Variants in KNOP1 observed in about 807,000 individuals in gnomAD.
The protein encoded by KNOP1 is lysine rich nucleolar protein 1.
In KNOP1, 20 loss-of-function variants were observed where a neutral mutation model predicts 30.6. The observed-to-expected ratio is 0.65, with a 90% CI of 0.46 to 0.95. The LOEUF is 0.95. KNOP1 is among the 40% of genes least tolerant of loss of function. The probability of loss-of-function intolerance (pLI) is 0.00; values close to 1 mark genes in which losing one functional copy is unlikely to be tolerated. For missense variants in KNOP1, 540 were observed against 562.0 expected (o/e 0.96, Z 0.40); for synonymous variants, 204 against 210.0 (o/e 0.97, Z 0.25).
At chr16:19,710,122 G>A (rs1976630673) in intron 4 of KNOP1, 2 of 272,018 alleles carry the variant, frequency 7.4e-6, no homozygotes, top group Non-Finnish European at 1.5e-5. Context: ...GGCCTGAGAG[G>A]GGCCGCGACC....
Position 19,706,410 on chromosome 16 carries a change from C to T in KNOP1, c.*500G>A, listed in dbSNP as rs1358270753. ...CTTTATCCCTGAACCTCAGTTGCCT[C>T]ATCTATAAGATGGGGCTAATAATAG... On this transcript the variant is annotated 3_prime_UTR_variant, in exon 5 of 5. Transcript: ENST00000219837. 4 of 153,936 alleles carry T rather than the reference C, an allele frequency of 2.6e-5. No homozygotes were observed. The highest frequency in any genetic ancestry group is 5.8e-5 in the Non-Finnish European group (4 of 69,114). 9.5% of individuals were successfully genotyped at this position (153,936 alleles called of 1,614,324 possible). A position where few individuals can be genotyped will look rare whatever the true frequency, so the allele number is the denominator to read the frequency against.
At chr16:19,715,775 A>C (rs565164376) in intron 1 of KNOP1, among the ~76,000 whole-genome samples, 2 of 152,066 alleles carry the variant, frequency 1.3e-5, no homozygotes, top group Non-Finnish European at 2.9e-5. Flanking sequence ...ATGAGTCACA[A>C]TGATGCACAG....
intron 1 of KNOP1, among the ~76,000 whole-genome samples, chr16:19,716,236 C>T (rs1977062319): frequency 6.6e-6 from 1 of 152,212 alleles, no homozygotes; most frequent in Admixed American, 6.5e-5. Context: ...GTGCTCAATA[C>T]ATACTCACTG....
At chr16:19,709,379 GC>G (rs1433434565) in intron 4 of KNOP1, among the ~76,000 whole-genome samples, 1 of 152,222 alleles carries the variant, frequency 6.6e-6, no homozygotes, top group Admixed American at 6.5e-5. Flanking sequence ...AACAAGTCCT[GC>G]CAGCTGTGCC....
chr16:19,712,287 A>T (rs975568419), intron 2 of KNOP1, among the ~76,000 whole-genome samples: 1 of 152,188 alleles, frequency 6.6e-6, no homozygotes, highest in Non-Finnish European at 1.5e-5. Flanking sequence ...AAATCCTAGC[A>T]ACCAAAGCTA....
intron 1 of KNOP1, chr16:19,717,359 A>G (rs1289657925): frequency 1.0e-6 from 1 of 985,160 alleles, no homozygotes; most frequent in Non-Finnish European, 1.2e-6. Flanking sequence ...ACCTTGAAAT[A>G]GTGTAGTCAG....
In KNOP1 at chr16:19,718,148, T is replaced by C. The variant is rs1977299094; in HGVS notation, c.-3+10A>G. ...GCGCCGGCCCGCCTGCAACGCGCCC[T>C]GGCACTCACCGGTGGGCGAAATTTC... On this transcript the variant is annotated intron_variant, in intron 1 of 4. Transcript: ENST00000219837. 4.8e-6 allele frequency: 7 copies of C among 1,472,436 alleles called. No individual in the cohort carries two copies. The highest frequency in any genetic ancestry group is 1.4e-5 in the African/African-American group (1 of 71,342). The allele number at this position is 1,472,436 out of a possible 1,614,324, so 91.2% of individuals were successfully genotyped here.
intron 4 of KNOP1, among the ~76,000 whole-genome samples, chr16:19,708,225 C>A (rs1459859756): frequency 6.6e-6 from 1 of 151,810 alleles, no homozygotes; most frequent in Non-Finnish European, 1.5e-5. Flanking sequence ...GTCACACAGC[C>A]AAGTCAGACT....
rs961404157 is a variant in KNOP1, at chr16:19,717,595, G to A, written c.-3+563C>T. 1.2e-5 allele frequency: 12 copies of A among 985,276 alleles called. No individual in the cohort carries two copies. The South Asian group carries it at 5.2e-4, about 42-fold the overall frequency. 61.0% of individuals were successfully genotyped at this position (985,276 alleles called of 1,614,324 possible). The stretch of plus-strand genomic sequence containing the variant: ...ATAGCATCCTCCTCTTTAGCCCTGC[G>A]ACCAAATGCATTCACTCTTTCAAGG... On this transcript the variant is annotated intron_variant, in intron 1 of 4. Transcript: ENST00000219837.
chr16:19,707,830 ACC>A (rs1976482441), intron 4 of KNOP1, among the ~76,000 whole-genome samples: 1 of 51,698 alleles, frequency 1.9e-5, no homozygotes, highest in Non-Finnish European at 3.6e-5. Flanking sequence ...TACAAAGCGC[ACC>A]TCCCCTAACC....
chr16:19,710,658 G>A, intron 3 of KNOP1, 72 bp from the exon 4 acceptor site: 2 of 1,292,656 alleles, frequency 1.5e-6, no homozygotes, highest in Non-Finnish European at 2.2e-6. Context: ...CCAGGACAGA[G>A]ACGGGGCTGG....
In KNOP1 at chr16:19,714,173, C is replaced by T; in HGVS notation, c.863G>A (p.Arg288Lys). The T allele has an allele frequency of 6.2e-7, 1 of 1,613,286 alleles. No individual in the cohort carries two copies. The highest frequency in any genetic ancestry group is 1.1e-5 in the South Asian group (1 of 90,952). The change falls in exon 2 of 5, where the codon AGG (arginine) becomes AAG (lysine). Residue 288 changes from arginine to lysine, a missense_variant. Transcript: ENST00000219837. ...QPVIEEPALK[R>K]KKKKKRKESG... is the part of the protein sequence containing the mutation. Reference sequence around the variant, plus strand: ...CTCTTTCCTCTTCTTCTTTTTCTTCCTTTTCAGAGCTGGCTCCTCGATGAC... The same window carrying T: ...CTCTTTCCTCTTCTTCTTTTTCTTCTTTTTCAGAGCTGGCTCCTCGATGAC...
intron 3 of KNOP1, 48 bp downstream of exon 3, chr16:19,711,324 G>A (rs1311861728): frequency 6.3e-7 from 1 of 1,582,750 alleles, no homozygotes; most frequent in Admixed American, 1.7e-5. Flanking sequence ...GAGACTCCAA[G>A]GGTGGCAGGA....
rs1490097244 is a variant in KNOP1 at position 19,714,528 on chromosome 16, A to AAGGGTCCTGGACCGAGAAGGCTGT, written c.484_507dup (p.Thr162_Pro169dup). 1.2e-6 allele frequency: 2 copies of AAGGGTCCTGGACCGAGAAGGCTGT among 1,614,014 alleles called. No individual in the cohort carries two copies. Among genetic ancestry groups the AAGGGTCCTGGACCGAGAAGGCTGT allele is most frequent in the African/African-American group, 1.3e-5 (1 of 74,972 alleles). The stretch of plus-strand genomic sequence containing the variant: ...CTGGCCTCCCTGGCCTCACAGAACC[A>AAGGGTCCTGGACCGAGAAGGCTGT]AGGGTCCTGGACCGAGAAGGCTGTG... On this transcript the variant is annotated inframe_insertion, in exon 2 of 5. Coordinates refer to ENST00000219837, the MANE Select transcript of KNOP1 (RefSeq NM_001012991.3).
intron 1 of KNOP1, chr16:19,717,805 A>G: frequency 1.0e-6 from 1 of 997,942 alleles, no homozygotes; most frequent in South Asian, 4.3e-5. Flanking sequence ...GGAGACTGGA[A>G]TTCCGCCCAC....
At chr16:19,717,331 G>A (rs1487066873) in intron 1 of KNOP1, 1 of 985,348 alleles carries the variant, frequency 1.0e-6, no homozygotes, top group African/African-American at 1.7e-5. Flanking sequence ...AAAGGAGCTT[G>A]CAAAGAAGAA....
Position 19,703,082 on chromosome 16 carries a change from C to A in KNOP1, c.*3828G>T, listed in dbSNP as rs1431255832. On this transcript the variant is annotated 3_prime_UTR_variant, in exon 5 of 5. Transcript: ENST00000219837. Reference sequence around the variant, plus strand: ...ATTAGGTCTTCTATTGTTACTTTAACAAATTGCCACAATTGTAGCGGCTTA... The same window carrying A: ...ATTAGGTCTTCTATTGTTACTTTAAAAAATTGCCACAATTGTAGCGGCTTA... 1 of 151,934 alleles carries A rather than the reference C, an allele frequency of 6.6e-6. No homozygotes were observed. The highest frequency in any genetic ancestry group is 1.5e-5 in the Non-Finnish European group (1 of 67,996). 9.4% of individuals were successfully genotyped at this position (151,934 alleles called of 1,614,324 possible). A position where few individuals can be genotyped will look rare whatever the true frequency, so the allele number is the denominator to read the frequency against.
Position 19,704,588 on chromosome 16 carries a change from CA to C in KNOP1, c.*2321del, listed in dbSNP as rs919276175. 6.7e-5 allele frequency: 10 copies of C among 149,520 alleles called. No homozygotes were observed. Among genetic ancestry groups the C allele is most frequent in the Admixed American group, 2.7e-4 (4 of 14,944 alleles). 9.3% of individuals were successfully genotyped at this position (149,520 alleles called of 1,614,324 possible). The stretch of plus-strand genomic sequence containing the variant: ...CCTGCGCGACCGTGAGACTCCATCT[CA>C]AAAAAAAAGAAACGAACGGCTGGTT... On this transcript the variant is annotated 3_prime_UTR_variant, in exon 5 of 5. Transcript: ENST00000219837.
intron 2 of KNOP1, among the ~76,000 whole-genome samples, 168 bp downstream of exon 2, chr16:19,713,950 G>A (rs1029976970): frequency 2.0e-5 from 3 of 152,070 alleles, no homozygotes; most frequent in Non-Finnish European, 4.4e-5. Context: ...CTTTCCAATT[G>A]CATATATCAA....
Sources: gnomAD v4.1 joint callset for allele counts (sites outside exome capture counted in the v4.1 genomes callset) on GRCh38, gnomAD v4.1.1 for gene constraint, MANE v1.5 for transcripts, NCBI Gene and HGNC (gene_info 2026-07-23, HGNC 2026-07-21) for gene names.